Variants in ASMTL observed in about 807,000 individuals in gnomAD.
ASMTL encodes the protein probable bifunctional dTTP/UTP pyrophosphatase/methyltransferase protein.
A neutral mutation model predicts 60.3 loss-of-function variants in ASMTL; 57 were observed. That is an observed-to-expected ratio of 0.95 (90% CI 0.76 to 1.18). The LOEUF is 1.18. ASMTL is among the 50% of genes most tolerant of loss of function. The pLI, the probability that ASMTL is intolerant of heterozygous loss-of-function variation, is 0.00. For synonymous variants in ASMTL, 419 were observed against 373.0 expected (o/e 1.12, Z -1.42); for missense variants, 981 against 852.6 (o/e 1.15, Z -1.88).
At chrX:1,442,552 T>C (rs1427843712) in intron 1 of ASMTL, among the ~76,000 whole-genome samples, 1 of 151,958 alleles carries the variant, frequency 6.6e-6, no homozygotes, top group East Asian at 1.9e-4. Context: ...CTTCAGGGAC[T>C]GACCAGGGGC....
At chrX:1,429,418 G>C (rs1156820327) in intron 6 of ASMTL, among the ~76,000 whole-genome samples, 1 of 151,768 alleles carries the variant, frequency 6.6e-6, no homozygotes, top group Non-Finnish European at 1.5e-5. Context: ...GGCTGGTCTC[G>C]AACTCCTGGG....
chrX:1,413,523 GC>G (rs1311457878), intron 11 of ASMTL, among the ~76,000 whole-genome samples: 2 of 152,222 alleles, frequency 1.3e-5, no homozygotes, highest in Admixed American at 1.3e-4. Flanking sequence ...GTTGCCTGTT[GC>G]GGGGGGCGCA....
At chrX:1,444,780 G>A (rs758113369) in intron 1 of ASMTL, among the ~76,000 whole-genome samples, 144 of 152,198 alleles carry the variant, frequency 9.5e-4, no homozygotes, top group African/African-American at 3.2e-3. Context: ...CCTGGATCGT[G>A]AGGGTCTCTG....
chrX:1,441,731 A>G (rs2091113281), intron 2 of ASMTL: 3 of 156,702 alleles, frequency 1.9e-5, no homozygotes, highest in Admixed American at 1.3e-4. Flanking sequence ...ATCAATTGTG[A>G]CAATATTATA....
rs1165139476 is a variant in ASMTL at position 1,417,185 on chromosome X, A to G, written c.1522+788T>C. 8.6e-5 allele frequency among the ~76,000 whole-genome samples: 13 copies of G among 151,884 alleles called. 1 individual carries two copies. Among genetic ancestry groups the G allele is most frequent in the African/African-American group, 2.9e-4 (12 of 41,312 alleles). On this transcript the variant is annotated intron_variant, in intron 11 of 12. Coordinates refer to ENST00000381317, the MANE Select transcript of ASMTL (RefSeq NM_004192.4). The stretch of plus-strand genomic sequence containing the variant: ...ACAACCACCGGCCCACAGCATGCAC[A>G]CAGATGCAGACGTACACACAGACAC...
intron 2 of ASMTL, chrX:1,441,885 T>A (rs2091117419): frequency 2.8e-6 from 1 of 354,700 alleles, no homozygotes; most frequent in Non-Finnish European, 5.1e-6. Context: ...TTGCGAGAAA[T>A]TATTATAACA....
intron 12 of ASMTL, among the ~76,000 whole-genome samples, chrX:1,406,079 G>A (rs1189997881): frequency 1.3e-5 from 2 of 149,776 alleles, no homozygotes; most frequent in African/African-American, 5.0e-5. Flanking sequence ...GCATGGATGA[G>A]ATGGATGGAT....
intron 11 of ASMTL, among the ~76,000 whole-genome samples, chrX:1,416,677 A>C (rs1354750609): frequency 6.6e-6 from 1 of 151,302 alleles, no homozygotes; most frequent in East Asian, 2.0e-4. Flanking sequence ...CACACACACA[A>C]ACGCAGATGC....
chrX:1,424,862 C>G (rs1374284945), intron 8 of ASMTL, among the ~76,000 whole-genome samples: 1 of 136,426 alleles, frequency 7.3e-6, no homozygotes, highest in Non-Finnish European at 1.6e-5. Flanking sequence ...ATCCACCCAC[C>G]CACCCATCCA....
intron 6 of ASMTL, among the ~76,000 whole-genome samples, chrX:1,429,497 C>T (rs2090709885): frequency 6.7e-6 from 1 of 150,270 alleles, no homozygotes; most frequent in African/African-American, 2.4e-5. Flanking sequence ...TGTATGTAAA[C>T]ATTAAAGTAT....
chrX:1,411,629 A>ACTTC (rs1262220146), intron 12 of ASMTL, among the ~76,000 whole-genome samples: 1 of 26,186 alleles, frequency 3.8e-5, no homozygotes, highest in Non-Finnish European at 8.1e-5. Flanking sequence ...ATCCAGCTGC[A>ACTTC]GAGTCCACTC....
intron 12 of ASMTL, among the ~76,000 whole-genome samples, chrX:1,406,103 G>A (rs2089825251): frequency 6.7e-6 from 1 of 150,364 alleles, no homozygotes; most frequent in African/African-American, 2.5e-5. Flanking sequence ...TGAATAAATG[G>A]GTAGGTAGGT....
At chrX:1,419,715 T>G (rs1241149880) in intron 9 of ASMTL, among the ~76,000 whole-genome samples, 1 of 152,172 alleles carries the variant, frequency 6.6e-6, no homozygotes, top group Non-Finnish European at 1.5e-5. Flanking sequence ...CTGAGGATGC[T>G]TCTGAGCCCC....
chrX:1,445,172 C>T (rs1422914674), intron 1 of ASMTL, among the ~76,000 whole-genome samples: 1 of 152,146 alleles, frequency 6.6e-6, no homozygotes, highest in African/African-American at 2.4e-5. Flanking sequence ...GGAGGACCAG[C>T]GGCACTAAGC....
At chrX:1,439,229 G>T in intron 2 of ASMTL, 85 bp from the exon 3 acceptor site, 2 of 1,448,356 alleles carry the variant, frequency 1.4e-6, no homozygotes, top group Admixed American at 1.7e-5. Flanking sequence ...GCGTGAAAGA[G>T]CACCGCAGGG....
At chrX:1,436,375 C>T (rs1603451525) in intron 3 of ASMTL, among the ~76,000 whole-genome samples, 1 of 151,574 alleles carries the variant, frequency 6.6e-6, no homozygotes, top group East Asian at 1.9e-4. Context: ...TTTTTTGAGA[C>T]AGAGTCTCGC....
At chrX:1,416,206 G>T (rs1371938909) in intron 11 of ASMTL, among the ~76,000 whole-genome samples, 1 of 144,800 alleles carries the variant, frequency 6.9e-6, no homozygotes, top group African/African-American at 2.6e-5. Context: ...GACATGCACA[G>T]CAACAGGCAC....
In ASMTL at chrX:1,425,607, G is replaced by A; in HGVS notation, c.978C>T (p.Ser326=). 6.2e-7 allele frequency: 1 copy of A among 1,613,802 alleles called. No individual in the cohort carries two copies. Among genetic ancestry groups the A allele is most frequent in the Non-Finnish European group, 8.5e-7 (1 of 1,179,830 alleles). The change falls in exon 8 of 13, where the codon AGC becomes AGT. Residue 326 remains serine (S), a synonymous_variant. Transcript: ENST00000381317. ...EAPQKAADIA[S]KVDASACGME... is the part of the protein sequence containing the mutation. ...TTCCACACGCAGAGGCGTCCACTTTGCTGGCAATATCCGCAGCCTTCTGGG... is the reference window on the plus strand; with the variant it reads ...TTCCACACGCAGAGGCGTCCACTTTACTGGCAATATCCGCAGCCTTCTGGG...
chrX:1,446,139 G>T (rs5990000), intron 1 of ASMTL, among the ~76,000 whole-genome samples: 1 of 151,950 alleles, frequency 6.6e-6, no homozygotes, highest in Admixed American at 6.6e-5. Context: ...TACTAAAAGT[G>T]TCTGATAAGC....
Sources: gnomAD v4.1 joint callset for allele counts (sites outside exome capture counted in the v4.1 genomes callset) on GRCh38, gnomAD v4.1.1 for gene constraint, MANE v1.5 for transcripts, NCBI Gene and HGNC (gene_info 2026-07-23, HGNC 2026-07-21) for gene names.